Variants in SMARCA4 observed in about 807,000 individuals in gnomAD.
SMARCA4 encodes the protein SWI/SNF-related matrix-associated actin-dependent regulator of chromatin subfamily A member 4.
Under a neutral mutation model 193.9 loss-of-function variants are expected in SMARCA4, and 31 were observed. The ratio of observed to expected loss-of-function variants is 0.16; its 90% CI spans 0.12 to 0.22. The LOEUF is 0.22. Among genes scored for constraint, SMARCA4 ranks in the 10% least tolerant of loss-of-function variants. The probability of loss-of-function intolerance (pLI) is 1.00; values close to 1 mark genes in which losing one functional copy is unlikely to be tolerated. For missense variants in SMARCA4, 1,148 were observed against 2,296.0 expected, an observed-to-expected ratio of 0.50 and a Z score of 10.22; for synonymous variants, 942 against 933.1, an observed-to-expected ratio of 1.01 and a Z score of -0.17.
intron 23 of SMARCA4, 133 bp from the exon 24 acceptor site, chr19:11,027,651 C>G: frequency 1.1e-6 from 1 of 940,820 alleles, no homozygotes; most frequent in South Asian, 1.3e-5. Context: ...GTGACGTCTG[C>G]TTAGGATGCA....
intron 30 of SMARCA4, among the ~76,000 whole-genome samples, chr19:11,043,714 G>A (rs981897154): frequency 4.6e-5 from 7 of 151,648 alleles, no homozygotes; most frequent in South Asian, 2.1e-4. Flanking sequence ...ATAGTGGCTC[G>A]TGTAATCCCA....
chr19:11,027,434 C>T (rs543795120), intron 23 of SMARCA4, among the ~76,000 whole-genome samples: 13 of 152,294 alleles, frequency 8.5e-5, no homozygotes, highest in Admixed American at 7.2e-4. Flanking sequence ...GCTTCTTTAT[C>T]GGGCAAGGGG....
At chr19:11,035,845 ACAGAT>A in intron 29 of SMARCA4, among the ~76,000 whole-genome samples, 1 of 152,372 alleles carries the variant, frequency 6.6e-6, no homozygotes, top group East Asian at 1.9e-4. Context: ...GGTTACGGTG[ACAGAT>A]CAGACCCCTT....
chr19:10,968,385 A>G (rs2084404794), intron 1 of SMARCA4, among the ~76,000 whole-genome samples: 1 of 152,064 alleles, frequency 6.6e-6, no homozygotes, highest in Admixed American at 6.6e-5. Flanking sequence ...ATGTATGTGG[A>G]CACTTGTCAC....
chr19:11,004,693 C>CT (rs1187008466), intron 13 of SMARCA4, among the ~76,000 whole-genome samples: 1 of 152,160 alleles, frequency 6.6e-6, no homozygotes, highest in Non-Finnish European at 1.5e-5. Flanking sequence ...TGCTTTTTGA[C>CT]TGAGTTTTTA....
intron 1 of SMARCA4, among the ~76,000 whole-genome samples, chr19:10,970,621 G>A (rs553848113): frequency 2.6e-5 from 4 of 152,270 alleles, no homozygotes; most frequent in African/African-American, 7.2e-5. Flanking sequence ...TTCCTAGGCT[G>A]GTTTCAAACT....
intron 6 of SMARCA4, 78 bp downstream of exon 6, chr19:10,988,002 C>T: frequency 1.3e-6 from 2 of 1,484,854 alleles, no homozygotes; most frequent in South Asian, 2.4e-5. Context: ...CAACTTTCTC[C>T]CCCACTCTAG....
intron 14 of SMARCA4, chr19:11,008,375 G>A: frequency 2.8e-6 from 1 of 355,570 alleles, no homozygotes; most frequent in East Asian, 7.2e-5. Flanking sequence ...GTCTGCATTA[G>A]CAAGCAAAAT....
In SMARCA4 at chr19:10,986,933, A is replaced by G. The variant is rs1599957400; in HGVS notation, c.789A>G (p.Pro263=). ...HGMGGPNMPP[P]GPSGVPPGMP... ...TGGGAGGGCCCAACATGCCTCCCCC[A>G]GGACCCTCGGGCGTGCCCCCCGGGA... Residue 263 remains proline, a synonymous_variant, in exon 5 of 35, where the codon CCA becomes CCG. Transcript: ENST00000344626. This position sits in a 1 kb window ranked among gnomAD's most constrained non-coding sequence, Gnocchi z 6.7. 1 of 1,612,544 alleles carries G rather than the reference A, an allele frequency of 6.2e-7. No individual in the cohort carries two copies. Among genetic ancestry groups the G allele is most frequent in the Non-Finnish European group, 8.5e-7 (1 of 1,179,900 alleles).
At chr19:10,972,010 C>T (rs2084716873) in intron 1 of SMARCA4, among the ~76,000 whole-genome samples, 1 of 148,930 alleles carries the variant, frequency 6.7e-6, no homozygotes, top group Non-Finnish European at 1.5e-5. Flanking sequence ...GGCTTGAGTG[C>T]AGTGGCACAG....
At chr19:10,990,313 G>A (rs1033392024) in intron 7 of SMARCA4, among the ~76,000 whole-genome samples, 5 of 151,806 alleles carry the variant, frequency 3.3e-5, no homozygotes, top group Admixed American at 1.3e-4. Flanking sequence ...CCACCATGCC[G>A]GGCTGATTTT....
intron 30 of SMARCA4, among the ~76,000 whole-genome samples, chr19:11,053,241 C>T (rs1000241924): frequency 4.6e-5 from 7 of 152,066 alleles, no homozygotes; most frequent in South Asian, 4.2e-4. Context: ...CCCAGCACTT[C>T]GGGAGGCCAA....
At chr19:11,045,990 G>A (rs1194281233) in intron 30 of SMARCA4, among the ~76,000 whole-genome samples, 1 of 152,190 alleles carries the variant, frequency 6.6e-6, no homozygotes, top group African/African-American at 2.4e-5. Flanking sequence ...TTGGGAGGCT[G>A]AGGCGAGCGG....
Position 11,033,609 on chromosome 19 carries a change from T to G in SMARCA4, c.3774+92T>G. 1 of 966,076 alleles carries G rather than the reference T, an allele frequency of 1.0e-6. No homozygotes were observed. The highest frequency in any genetic ancestry group is 2.4e-5 in the East Asian group (1 of 41,066). 59.8% of individuals were successfully genotyped at this position (966,076 alleles called of 1,614,324 possible). On this transcript the variant is annotated intron_variant, in intron 26 of 34. Coordinates refer to ENST00000344626, the MANE Select transcript of SMARCA4 (RefSeq NM_003072.5). The surrounding 1 kb of genome is among the most constrained non-coding windows in gnomAD (Gnocchi z 9.8). ...TTGTTTTTTTACCTTTTTTGCACTC[T>G]TATTTTTTTTGCATCCCTTTGGAGT...
intron 1 of SMARCA4, among the ~76,000 whole-genome samples, chr19:10,967,686 T>G (rs1260444395): frequency 5.2e-5 from 3 of 57,450 alleles, no homozygotes; most frequent in Non-Finnish European, 8.0e-5. Context: ...AAATGTGTGG[T>G]TTTTTTTTTT....
At chr19:11,010,997 G>A (rs1380427188) in intron 15 of SMARCA4, 1 of 253,440 alleles carries the variant, frequency 3.9e-6, no homozygotes, top group Admixed American at 4.8e-5. Flanking sequence ...GGCAGCCCTG[G>A]ACTCCGCTCT....
At chr19:11,027,440 A>G (rs1477929849) in intron 23 of SMARCA4, among the ~76,000 whole-genome samples, 1 of 152,164 alleles carries the variant, frequency 6.6e-6, no homozygotes, top group African/African-American at 2.4e-5. Flanking sequence ...TTATCGGGCA[A>G]GGGGACAAGG....
intron 11 of SMARCA4, among the ~76,000 whole-genome samples, chr19:10,996,963 C>T (rs1387413811): frequency 6.6e-6 from 1 of 151,844 alleles, no homozygotes; most frequent in African/African-American, 2.4e-5. Context: ...CTCCTGGGCT[C>T]AAGTGATCCT....
chr19:11,035,217 G>T, intron 29 of SMARCA4, 85 bp downstream of exon 29: 6 of 1,301,638 alleles, frequency 4.6e-6, no homozygotes, highest in Non-Finnish European at 5.4e-6. Context: ...CAGGACTCAG[G>T]CCTGGGTCCA....
Sources: gnomAD v4.1 joint callset for allele counts (sites outside exome capture counted in the v4.1 genomes callset) on GRCh38, gnomAD v4.1.1 for gene constraint, Gnocchi (gnomAD v3.1) non-coding constraint, MANE v1.5 for transcripts, NCBI Gene and HGNC (gene_info 2026-07-23, HGNC 2026-07-21) for gene names.